The following ADAM17 variants were observed in gnomAD, a reference collection of about 807,000 sequenced individuals.
ADAM17 encodes disintegrin and metalloproteinase domain-containing protein 17.
Under a neutral mutation model 96.7 loss-of-function variants are expected in ADAM17, and 39 were observed. The ratio of observed to expected loss-of-function variants is 0.40; its 90% confidence interval spans 0.31 to 0.53. The LOEUF is 0.53. Ranked by LOEUF, ADAM17 falls within the 20% of genes least tolerant of loss-of-function variation. The pLI is 0.44. For missense variants in ADAM17, 777 were observed against 1,013.2 expected, an observed-to-expected ratio of 0.77 and a Z score of 3.17; for synonymous variants, 344 against 359.2, an observed-to-expected ratio of 0.96 and a Z score of 0.48.
intron 9 of ADAM17, 36 bp downstream of exon 9, chr2:9,518,067 C>A (rs1427392350): frequency 3.2e-6 from 5 of 1,575,332 alleles, no homozygotes; most frequent in Non-Finnish European, 4.3e-6. Flanking sequence ...TTAATAATCC[C>A]AGCAGCATAT....
chr2:9,510,932 G>A (rs55694483), intron 10 of ADAM17, among the ~76,000 whole-genome samples: 63,244 of 152,044 alleles, frequency 0.42, 14,291 homozygotes, highest in Middle Eastern at 0.62. Context: ...ATTGTAAGTA[G>A]TAACAAATCA....
At chr2:9,522,858 A>T (rs1664368519) in intron 7 of ADAM17, among the ~76,000 whole-genome samples, 1 of 152,200 alleles carries the variant, frequency 6.6e-6, no homozygotes, top group Admixed American at 6.5e-5. Flanking sequence ...TGTATATATA[A>T]ATACAGCCTT....
chr2:9,533,929 G>A (rs1290488638), intron 4 of ADAM17, among the ~76,000 whole-genome samples: 1 of 152,180 alleles, frequency 6.6e-6, no homozygotes, highest in Non-Finnish European at 1.5e-5. Flanking sequence ...TGAAGCCCTC[G>A]CACAGCCTAG....
At position 9,517,991 on chromosome 2, in the gene ADAM17, T is replaced by C; in HGVS notation, c.1103-2A>G. ...TCTTCCCAACTGGGCTATAATAAGC[T>C]AAAGTCAAAAGGAAACAGAGATAAA... On this transcript the variant is annotated splice_acceptor_variant, in intron 9 of 18. Coordinates refer to ENST00000310823, the MANE Select transcript of ADAM17 (RefSeq NM_003183.6). LOFTEE classifies it high-confidence loss of function. The C allele has an allele frequency of 6.3e-7, 1 of 1,594,326 alleles. No homozygotes were observed. The highest frequency in any genetic ancestry group is 8.5e-7 in the Non-Finnish European group (1 of 1,173,770).
intron 14 of ADAM17, 49 bp downstream of exon 14, chr2:9,497,065 C>CA: frequency 6.3e-7 from 1 of 1,595,894 alleles, no homozygotes. Flanking sequence ...GCCTGGCAGA[C>CA]AAAGGCCATG....
intron 6 of ADAM17, among the ~76,000 whole-genome samples, chr2:9,523,744 T>C (rs12992105): frequency 0.15 from 22,223 of 152,266 alleles, 1,716 homozygotes; most frequent in Non-Finnish European, 0.16. Context: ...ATGGATTTCC[T>C]TGAGCCTCTG....
chr2:9,505,543 C>T, intron 11 of ADAM17, 178 bp from the exon 12 acceptor site: 1 of 624,542 alleles, frequency 1.6e-6, no homozygotes, highest in Non-Finnish European at 2.8e-6. Flanking sequence ...GAACTGGGAA[C>T]CTCCCTCCAT....
chr2:9,493,560 C>T (rs559788325), intron 16 of ADAM17, among the ~76,000 whole-genome samples, 187 bp downstream of exon 16: 1 of 152,314 alleles, frequency 6.6e-6, no homozygotes, highest in East Asian at 1.9e-4. Context: ...TGCATCCAAG[C>T]TCCACGGGGA....
At chr2:9,518,588 G>C (rs1028294957) in intron 8 of ADAM17, among the ~76,000 whole-genome samples, 2 of 151,982 alleles carry the variant, frequency 1.3e-5, no homozygotes, top group African/African-American at 4.8e-5. Context: ...TTCGATAAGG[G>C]GATTGCAGCA....
At position 9,490,497 on chromosome 2, in the gene ADAM17, T is replaced by C; in HGVS notation, c.2155A>G (p.Met719Val). ...ATAATGCGAACCGATGCAGAATCCA[T>C]GCTGCTCAGCATTTCGACGTTCTGC... Reference protein sequence around the residue: ...HPSNVEMLSSMDSASVRIIKP... With the variant: ...HPSNVEMLSSVDSASVRIIKP... Residue 719 changes from methionine to valine, a missense_variant, in exon 19 of 19, where the codon ATG (methionine) becomes GTG (valine). Transcript: ENST00000310823. The C allele has an allele frequency of 1.2e-6, 2 of 1,613,410 alleles. No individual in the cohort carries two copies. The highest frequency in any genetic ancestry group is 1.7e-6 in the Non-Finnish European group (2 of 1,179,468).
chr2:9,555,563 C>G lies in ADAM17; in HGVS notation c.43G>C (p.Val15Leu), dbSNP rs775086314. 2.5e-6 allele frequency: 4 copies of G among 1,601,936 alleles called. No individual in the cohort carries two copies. In the African/African-American group the frequency reaches 5.4e-5, roughly 21 times the overall value. ...TCATCCGGAGGTCGCGGCGCCAGCA[C>G]GAAAGGAACCACGCTGGTCAGGAAT... is the stretch of plus-strand genomic sequence containing the variant. Reference protein sequence around the residue: ...LLFLTSVVPFVLAPRPPDDPG... With the variant: ...LLFLTSVVPFLLAPRPPDDPG... Residue 15 changes from valine (V) to leucine (L), a missense_variant, in exon 1 of 19, where the codon GTG (valine) becomes CTG (leucine). Physicochemically the swap from Val to Leu is conservative, Grantham distance 32 (BLOSUM62 1). Around this residue, in one of 3 missense-constraint regions of ADAM17, gnomAD observed 134 missense variants for 129.1 expected, o/e 1.04. Transcript: ENST00000310823.
intron 1 of ADAM17, among the ~76,000 whole-genome samples, chr2:9,552,094 A>T (rs1665606412): frequency 6.6e-6 from 1 of 152,166 alleles, no homozygotes; most frequent in Admixed American, 6.5e-5. Flanking sequence ...AAAGCCTTTC[A>T]TTTCACTTCC....
intron 8 of ADAM17, among the ~76,000 whole-genome samples, chr2:9,520,672 G>A (rs145044585): frequency 2.1e-4 from 32 of 152,112 alleles, no homozygotes; most frequent in African/African-American, 7.0e-4. Flanking sequence ...AGGTTAAGAC[G>A]CACTGCTTTG....
intron 11 of ADAM17, among the ~76,000 whole-genome samples, chr2:9,509,467 C>T (rs1314509976): frequency 6.6e-6 from 1 of 152,144 alleles, no homozygotes; most frequent in African/African-American, 2.4e-5. Flanking sequence ...ATGCCAGATA[C>T]TCCTACTAGG....
intron 1 of ADAM17, among the ~76,000 whole-genome samples, chr2:9,549,943 A>T (rs1665530436): frequency 6.6e-6 from 1 of 152,178 alleles, no homozygotes; most frequent in Non-Finnish European, 1.5e-5. Context: ...TGCTGCATGA[A>T]GTACGAAAAG....
chr2:9,554,091 A>G (rs1316537412), intron 1 of ADAM17, among the ~76,000 whole-genome samples: 1 of 152,166 alleles, frequency 6.6e-6, no homozygotes, highest in Non-Finnish European at 1.5e-5. Context: ...AAAAAACCTT[A>G]CGATCTGCAA....
At chr2:9,547,595 T>C (rs1423713030) in intron 1 of ADAM17, among the ~76,000 whole-genome samples, 1 of 152,050 alleles carries the variant, frequency 6.6e-6, no homozygotes, top group Non-Finnish European at 1.5e-5. Context: ...AACACAACAC[T>C]TAAAGACGTG....
At chr2:9,513,151 C>T (rs565132819) in intron 10 of ADAM17, among the ~76,000 whole-genome samples, 1 of 152,258 alleles carries the variant, frequency 6.6e-6, no homozygotes, top group South Asian at 2.1e-4. Context: ...TGCACCACCA[C>T]ACCTGGCTAA....
At chr2:9,533,138 G>A (rs916506855) in intron 4 of ADAM17, among the ~76,000 whole-genome samples, 4 of 152,040 alleles carry the variant, frequency 2.6e-5, no homozygotes, top group East Asian at 1.9e-4. Flanking sequence ...GTGGTGAGCC[G>A]AGATCGCGCC....
Sources: allele counts gnomAD v4.1 joint callset (sites outside exome capture counted in the v4.1 genomes callset), GRCh38; gene constraint gnomAD v4.1.1; regional missense constraint gnomAD v4.1.1; transcripts MANE v1.5; gene names NCBI Gene and HGNC (gene_info 2026-07-23, HGNC 2026-07-21).